Variants in ABCC1 observed in about 807,000 individuals in gnomAD.
The protein encoded by ABCC1 is multidrug resistance-associated protein 1.
ABCC1 carries 83 observed loss-of-function variants against 172.9 expected under a neutral mutation model. The ratio of observed to expected loss-of-function variants is 0.48; its 90% CI spans 0.40 to 0.58. ABCC1 has a LOEUF of 0.58. ABCC1 is among the 20% of genes least tolerant of loss of function. The pLI is 0.00. For missense variants in ABCC1, 1,817 were observed against 2,002.7 expected (o/e 0.91, Z 1.77); for synonymous variants, 937 against 825.2 (o/e 1.14, Z -2.32).
Position 16,048,147 on chromosome 16 carries a change from G to T in ABCC1, c.1224G>T (p.Leu408=), listed in dbSNP as rs373982151. 861 of 1,614,126 alleles carry T rather than the reference G, an allele frequency of 5.3e-4. 2 individuals carry two copies. Among genetic ancestry groups the T allele is most frequent in the Non-Finnish European group, 7.4e-5 (87 of 1,180,018 alleles). Residue 408 remains leucine (L), a synonymous_variant, in exon 10 of 31, where the codon CTG becomes CTT. Transcript: ENST00000399410. The stretch of plus-strand genomic sequence containing the variant: ...CCCTCTCCTTTGTCCCACAGGCCCT[G>T]GTGATCACCAATTCAGCCAGAAAAT... ...AVIGAVYRKA[L]VITNSARKSS... is the part of the protein sequence containing the mutation.
At chr16:16,137,139 A>C (rs1453623859) in intron 29 of ABCC1, among the ~76,000 whole-genome samples, 1 of 152,188 alleles carries the variant, frequency 6.6e-6, no homozygotes, top group East Asian at 1.9e-4. Context: ...CGTCTCCATG[A>C]CAACCAACCA....
intron 21 of ABCC1, among the ~76,000 whole-genome samples, chr16:16,109,942 C>T (rs904426534): frequency 6.6e-6 from 1 of 152,122 alleles, no homozygotes; most frequent in African/African-American, 2.4e-5. Flanking sequence ...TGACTGCGAC[C>T]GGTTTTTCCA....
In ABCC1 at chr16:16,102,624, CA is replaced by C; in HGVS notation, c.2645-2del. ...CTTGCCCCCTTTGTCTCTCTTCTGC[CA>C]GGGGTCACGGGCGTCAGCGGTCCAG... On this transcript the variant is annotated splice_acceptor_variant, in intron 19 of 30. Coordinates refer to ENST00000399410, the MANE Select transcript of ABCC1 (RefSeq NM_004996.4). LOFTEE classifies it high-confidence loss of function. 6.3e-7 allele frequency: 1 copy of C among 1,575,068 alleles called. No homozygotes were observed. Among genetic ancestry groups the C allele is most frequent in the East Asian group, 2.3e-5 (1 of 43,138 alleles).
Position 16,007,963 on chromosome 16 carries a change from C to T in ABCC1, c.196C>T (p.Gln66Ter). ...YLSRHDRGYI[Q>*]MTPLNKTKTA... ...CTCCCGACATGACCGAGGCTACATT[C>T]AGATGACACCTCTCAACAAAACCAA... The change falls in exon 2 of 31, where the codon CAG becomes TAG. Residue 66 changes from glutamine to a stop codon, truncating the protein, a stop_gained. Coordinates refer to ENST00000399410, the MANE Select transcript of ABCC1 (RefSeq NM_004996.4). LOFTEE classifies it high-confidence loss of function. 1 of 1,601,394 alleles carries T rather than the reference C, an allele frequency of 6.2e-7. No individual in the cohort carries two copies. The highest frequency in any genetic ancestry group is 8.5e-7 in the Non-Finnish European group (1 of 1,175,010).
chr16:16,132,175 AT>A (rs1175519123), intron 27 of ABCC1, among the ~76,000 whole-genome samples: 6 of 152,008 alleles, frequency 3.9e-5, no homozygotes, highest in African/African-American at 1.4e-4. Flanking sequence ...AGCCCCACAG[AT>A]TTGTTTTGGA....
Position 16,141,496 on chromosome 16 carries a change from C to G in ABCC1, c.*215C>G, listed in dbSNP as rs2046124624. 1.8e-6 allele frequency: 1 copy of G among 566,250 alleles called. No homozygotes were observed. Among genetic ancestry groups the G allele is most frequent in the East Asian group, 2.9e-5 (1 of 33,992 alleles). 35.1% of individuals were successfully genotyped at this position (566,250 alleles called of 1,614,324 possible). On this transcript the variant is annotated 3_prime_UTR_variant, in exon 31 of 31. Coordinates refer to ENST00000399410, the MANE Select transcript of ABCC1 (RefSeq NM_004996.4). Reference sequence around the variant, plus strand: ...GACCCAGGAGAGACAGAGATGCGAACCACCCAAAACACGCACACCCTGCCC... The same window carrying G: ...GACCCAGGAGAGACAGAGATGCGAAGCACCCAAAACACGCACACCCTGCCC...
chr16:16,125,031 G>T, intron 25 of ABCC1, 116 bp downstream of exon 25: 15 of 1,468,344 alleles, frequency 1.0e-5, no homozygotes, highest in Non-Finnish European at 1.3e-5. Context: ...GAGAGGTACG[G>T]AGTTTGAGGA....
chr16:16,020,456 C>A (rs964406363), intron 5 of ABCC1, among the ~76,000 whole-genome samples: 1 of 152,120 alleles, frequency 6.6e-6, no homozygotes, highest in Non-Finnish European at 1.5e-5. Flanking sequence ...GCCCATGGGC[C>A]GAATCTGGCC....
chr16:16,067,945 G>A (rs981236301), intron 12 of ABCC1, among the ~76,000 whole-genome samples: 4 of 152,152 alleles, frequency 2.6e-5, no homozygotes, highest in Non-Finnish European at 5.9e-5. Flanking sequence ...TTGGGCTCCC[G>A]GTCGTTGATT....
chr16:16,002,217 A>T (rs903191759), intron 1 of ABCC1, among the ~76,000 whole-genome samples: 1 of 152,198 alleles, frequency 6.6e-6, no homozygotes, highest in Admixed American at 6.5e-5. Context: ...TGATCTTTAA[A>T]ATCTGTGGTT....
intron 1 of ABCC1, among the ~76,000 whole-genome samples, chr16:15,969,795 G>A (rs1283103224): frequency 2.6e-5 from 4 of 151,940 alleles, no homozygotes; most frequent in Non-Finnish European, 4.4e-5. Context: ...TAGAATCTCC[G>A]AGGGTCAGTG....
chr16:16,016,974 A>G (rs888185316), intron 5 of ABCC1, among the ~76,000 whole-genome samples: 6 of 75,944 alleles, frequency 7.9e-5, no homozygotes, highest in African/African-American at 2.8e-4. Flanking sequence ...GTTCTGACAG[A>G]TTAGGCCTAT....
chr16:16,134,640 T>C lies in ABCC1; in HGVS notation c.4125+132T>C. The C allele has an allele frequency of 3.4e-6, 4 of 1,164,138 alleles. 1 individual carries two copies. The highest frequency in any genetic ancestry group is 4.7e-6 in the Non-Finnish European group (4 of 853,652). The allele number at this position is 1,164,138 out of a possible 1,614,324, so 72.1% of individuals were successfully genotyped here. ...CTTCATCGTTCTTTTTTTTTTTTTT[T>C]TTTTTTTTTTTCCTGAAACAGGGTC... On this transcript the variant is annotated intron_variant, in intron 28 of 30. Transcript: ENST00000399410.
At chr16:16,054,676 T>G (rs1321716304) in intron 11 of ABCC1, among the ~76,000 whole-genome samples, 1 of 152,066 alleles carries the variant, frequency 6.6e-6, no homozygotes, top group Non-Finnish European at 1.5e-5. Flanking sequence ...ATGCCCTGAG[T>G]GGCCCGACTC....
At chr16:16,118,660 A>G (rs4148376) in intron 23 of ABCC1, among the ~76,000 whole-genome samples, 8,066 of 151,944 alleles carry the variant, frequency 0.053, 317 homozygotes, top group Admixed American at 0.13. Flanking sequence ...TTATTTTTCA[A>G]CAACAAAGGA....
intron 12 of ABCC1, among the ~76,000 whole-genome samples, chr16:16,067,449 A>T (rs1314414648): frequency 6.6e-6 from 1 of 152,200 alleles, no homozygotes; most frequent in Non-Finnish European, 1.5e-5. Context: ...CAAGAAATAA[A>T]AACAGCTGCC....
At chr16:16,003,745 A>G (rs1281080892) in intron 1 of ABCC1, among the ~76,000 whole-genome samples, 1 of 80,860 alleles carries the variant, frequency 1.2e-5, no homozygotes, top group Non-Finnish European at 2.8e-5. Context: ...GGGTAGGTGG[A>G]TGTATAAATG....
chr16:16,076,734 G>A (rs1039212421), intron 15 of ABCC1, among the ~76,000 whole-genome samples: 2 of 152,166 alleles, frequency 1.3e-5, no homozygotes, highest in African/African-American at 2.4e-5. Flanking sequence ...GGACTCTGCC[G>A]TCAGAACTTT....
At chr16:16,001,313 G>T (rs1040336706) in intron 1 of ABCC1, among the ~76,000 whole-genome samples, 3 of 152,100 alleles carry the variant, frequency 2.0e-5, no homozygotes, top group South Asian at 2.1e-4. Context: ...CCGGGTGCAC[G>T]CCATTCTCCT....
Sources: gnomAD v4.1 joint callset for allele counts (sites outside exome capture counted in the v4.1 genomes callset) on GRCh38, gnomAD v4.1.1 for gene constraint, MANE v1.5 for transcripts, NCBI Gene and HGNC (gene_info 2026-07-23, HGNC 2026-07-21) for gene names.